LIN52: variants seen among roughly 807,000 people sequenced by gnomAD.
LIN52 encodes the protein protein lin-52 homolog.
LIN52 carries 4 observed loss-of-function variants against 18.5 expected under a neutral mutation model. The ratio of observed to expected loss-of-function variants is 0.22; its 90% confidence interval spans 0.11 to 0.49. The LOEUF (loss-of-function observed/expected upper bound fraction) is 0.49, where lower values mean the gene tolerates loss of function less well. Among genes scored for constraint, LIN52 ranks in the 20% least tolerant of loss-of-function variants. The pLI is 0.97. For synonymous variants in LIN52, 34 were observed against 45.5 expected, an observed-to-expected ratio of 0.75 and a Z score of 1.02; for missense variants, 102 against 139.5, an observed-to-expected ratio of 0.73 and a Z score of 1.35.
At chr14:74,131,562 C>T (rs1044373560) in intron 5 of LIN52, among the ~76,000 whole-genome samples, 9 of 151,890 alleles carry the variant, frequency 5.9e-5, no homozygotes, top group Non-Finnish European at 1.3e-4. Flanking sequence ...TCAGGTGATC[C>T]GCTTTGACCT....
At chr14:74,192,734 A>T (rs1277268378) in intron 5 of LIN52, 2 of 263,660 alleles carry the variant, frequency 7.6e-6, no homozygotes, top group Admixed American at 8.9e-5. Flanking sequence ...TTCCAATTTG[A>T]TGGGCAGCCA....
intron 5 of LIN52, among the ~76,000 whole-genome samples, chr14:74,147,928 C>T (rs1481827699): frequency 2.6e-5 from 4 of 152,118 alleles, no homozygotes; most frequent in African/African-American, 9.7e-5. Flanking sequence ...CTAAACTGTA[C>T]ACTTAAAAAT....
At chr14:74,181,971 T>G (rs1185944067) in intron 5 of LIN52, among the ~76,000 whole-genome samples, 1 of 152,182 alleles carries the variant, frequency 6.6e-6, no homozygotes, top group Non-Finnish European at 1.5e-5. Flanking sequence ...TTTTTAAAAT[T>G]AAGGCTGACT....
chr14:74,136,909 G>A (rs1007423385), intron 5 of LIN52, among the ~76,000 whole-genome samples: 2 of 151,912 alleles, frequency 1.3e-5, no homozygotes, highest in African/African-American at 4.8e-5. Context: ...ATAATTATTG[G>A]GTTAAAATCC....
At chr14:74,160,160 T>C (rs2061218191) in intron 5 of LIN52, among the ~76,000 whole-genome samples, 1 of 152,120 alleles carries the variant, frequency 6.6e-6, no homozygotes, top group Admixed American at 6.5e-5. Flanking sequence ...GCTGAAGTCT[T>C]TATACAAAGG....
intron 5 of LIN52, among the ~76,000 whole-genome samples, chr14:74,196,578 G>A (rs1311997920): frequency 6.6e-6 from 1 of 152,094 alleles, no homozygotes; most frequent in African/African-American, 2.4e-5. Context: ...CCATCTAGTA[G>A]AAATAAGTGA....
At chr14:74,088,337 C>T (rs534102887) in intron 1 of LIN52, among the ~76,000 whole-genome samples, 1 of 152,224 alleles carries the variant, frequency 6.6e-6, no homozygotes, top group East Asian at 1.9e-4. Flanking sequence ...GTGATGCACT[C>T]ACCTCGGCCT....
chr14:74,198,107 C>CAGGATG (rs987203870), intron 5 of LIN52, among the ~76,000 whole-genome samples: 1 of 152,168 alleles, frequency 6.6e-6, no homozygotes, highest in African/African-American at 2.4e-5. Context: ...CATGGCCTTG[C>CAGGATG]AGGATGAGGA....
At chr14:74,149,814 A>G (rs1186067845) in intron 5 of LIN52, among the ~76,000 whole-genome samples, 3 of 152,196 alleles carry the variant, frequency 2.0e-5, no homozygotes, top group Non-Finnish European at 2.9e-5. Flanking sequence ...GCTGTAGGCT[A>G]CAGTGACATG....
chr14:74,145,966 T>C lies in LIN52; in HGVS notation c.283+44728T>C, dbSNP rs8022263. On this transcript the variant is annotated intron_variant, in intron 5 of 5. Transcript: ENST00000555028. ...CTTGTTTTTTCATAAAGACTGCAGA[T>C]TCTATGACGTGAAATAGTCAAGTCT... 3.4e-3 allele frequency among the ~76,000 whole-genome samples: 514 copies of C among 152,332 alleles called. 7 individuals carry two copies. Among genetic ancestry groups the C allele is most frequent in the African/African-American group, 0.012 (481 of 41,576 alleles).
chr14:74,155,832 C>CTG (rs1251847090), intron 5 of LIN52, among the ~76,000 whole-genome samples: 1 of 152,130 alleles, frequency 6.6e-6, no homozygotes, highest in Non-Finnish European at 1.5e-5. Flanking sequence ...CCAATCTTTT[C>CTG]TGTATTCCTG....
At chr14:74,132,750 G>A (rs536875598) in intron 5 of LIN52, among the ~76,000 whole-genome samples, 8 of 151,456 alleles carry the variant, frequency 5.3e-5, no homozygotes, top group South Asian at 2.1e-4. Context: ...CTCATGATCC[G>A]CCCGCCTCGG....
intron 5 of LIN52, among the ~76,000 whole-genome samples, chr14:74,163,056 C>A (rs746695560): frequency 6.6e-6 from 1 of 152,104 alleles, no homozygotes; most frequent in Non-Finnish European, 1.5e-5. Flanking sequence ...TAGGCACTTA[C>A]CCTTTCTATT....
chr14:74,108,108 A>G (rs889571978), intron 5 of LIN52, among the ~76,000 whole-genome samples: 1 of 152,230 alleles, frequency 6.6e-6, no homozygotes, highest in Non-Finnish European at 1.5e-5. Flanking sequence ...CATTGCTTGT[A>G]AATGAAATCA....
At chr14:74,097,968 C>T in intron 4 of LIN52, 108 bp downstream of exon 4, 1 of 737,768 alleles carries the variant, frequency 1.4e-6, no homozygotes, top group South Asian at 1.7e-5. Context: ...CTTCAGACTT[C>T]TCATTTAAAC....
At chr14:74,099,249 A>G (rs1258013153) in intron 4 of LIN52, among the ~76,000 whole-genome samples, 1 of 152,192 alleles carries the variant, frequency 6.6e-6, no homozygotes, top group Non-Finnish European at 1.5e-5. Flanking sequence ...TGCTAGGTGT[A>G]GATAATGACT....
rs538384916 is a variant in LIN52 at position 74,180,977 on chromosome 14, C to T, written c.284-17945C>T. On this transcript the variant is annotated intron_variant, in intron 5 of 5. Transcript: ENST00000555028. The stretch of plus-strand genomic sequence containing the variant: ...GAAAAATTACCTGAGCATGGTGGTA[C>T]GCACTTGTAATCCCAGCTACTGGAG... 4.6e-5 allele frequency among the ~76,000 whole-genome samples: 7 copies of T among 151,298 alleles called. No individual in the cohort carries two copies. The East Asian group carries it at 7.8e-4, about 17-fold the overall frequency.
At chr14:74,152,950 ACT>A (rs1435261535) in intron 5 of LIN52, among the ~76,000 whole-genome samples, 3 of 132,434 alleles carry the variant, frequency 2.3e-5, no homozygotes, top group Non-Finnish European at 4.7e-5. Flanking sequence ...ACAAAGCAAG[ACT>A]CTGTCTCAAA....
intron 5 of LIN52, among the ~76,000 whole-genome samples, chr14:74,178,367 C>G (rs1384420097): frequency 6.6e-6 from 1 of 151,900 alleles, no homozygotes; most frequent in Non-Finnish European, 1.5e-5. Flanking sequence ...TGACTCAATT[C>G]TGGATTTTGG....
Sources: allele counts gnomAD v4.1 joint callset (sites outside exome capture counted in the v4.1 genomes callset), GRCh38; gene constraint gnomAD v4.1.1; transcripts MANE v1.5; gene names NCBI Gene and HGNC (gene_info 2026-07-23, HGNC 2026-07-21).